The following PIK3AP1 variants were observed in gnomAD, a reference collection of about 807,000 sequenced individuals.
PIK3AP1 encodes phosphoinositide 3-kinase adapter protein 1.
A neutral mutation model predicts 88.1 loss-of-function variants in PIK3AP1; 21 were observed. That is an observed-to-expected ratio of 0.24 (90% confidence interval 0.17 to 0.34). The LOEUF (loss-of-function observed/expected upper bound fraction) is 0.34. Ranked by LOEUF, PIK3AP1 falls within the 10% of genes least tolerant of loss-of-function variation. The pLI is 1.00. For missense variants in PIK3AP1, 828 were observed against 1,035.7 expected, an observed-to-expected ratio of 0.80 and a Z score of 2.75; for synonymous variants, 398 against 400.0, an observed-to-expected ratio of 1.00 and a Z score of 0.06.
At chr10:96,686,659 C>T (rs1408581867) in intron 2 of PIK3AP1, among the ~76,000 whole-genome samples, 2 of 152,136 alleles carry the variant, frequency 1.3e-5, no homozygotes, top group Non-Finnish European at 2.9e-5. Context: ...CAGCATTGTG[C>T]GGCTGCTTGA....
intron 4 of PIK3AP1, among the ~76,000 whole-genome samples, chr10:96,652,295 C>A (rs928874270): frequency 6.6e-6 from 1 of 152,172 alleles, no homozygotes; most frequent in Non-Finnish European, 1.5e-5. Flanking sequence ...ATCAAAGTAG[C>A]TGGGTGCCGT....
At chr10:96,600,109 G>A (rs768108604) in intron 16 of PIK3AP1, among the ~76,000 whole-genome samples, 4 of 152,124 alleles carry the variant, frequency 2.6e-5, no homozygotes, top group Non-Finnish European at 5.9e-5. Context: ...CTTGGATCTT[G>A]AACCTCCTCC....
chr10:96,676,701 GAA>G (rs1176429335), intron 2 of PIK3AP1, among the ~76,000 whole-genome samples: 3 of 144,392 alleles, frequency 2.1e-5, no homozygotes, highest in Admixed American at 7.1e-5. Context: ...TATTCCAACT[GAA>G]AGAGTCCAAA....
At chr10:96,713,341 CA>C (rs377478828) in intron 1 of PIK3AP1, among the ~76,000 whole-genome samples, 170 of 140,030 alleles carry the variant, frequency 1.2e-3, no homozygotes, top group Middle Eastern at 3.5e-3. Context: ...ATTAAAAATA[CA>C]AAAAAAAAAA....
At chr10:96,660,801 C>T (rs1843675516) in intron 2 of PIK3AP1, among the ~76,000 whole-genome samples, 1 of 152,146 alleles carries the variant, frequency 6.6e-6, no homozygotes, top group Non-Finnish European at 1.5e-5. Flanking sequence ...TACACCCAGA[C>T]AATACAATAC....
intron 13 of PIK3AP1, among the ~76,000 whole-genome samples, chr10:96,610,568 C>T (rs1235590081): frequency 6.6e-6 from 1 of 152,088 alleles, no homozygotes; most frequent in East Asian, 1.9e-4. Context: ...GTGGCCCACA[C>T]ACACAGTAAT....
At chr10:96,654,373 T>A (rs1473180215) in intron 3 of PIK3AP1, among the ~76,000 whole-genome samples, 1 of 152,090 alleles carries the variant, frequency 6.6e-6, no homozygotes, top group African/African-American at 2.4e-5. Flanking sequence ...CCTAAGACTC[T>A]GCTATAAAGT....
intron 2 of PIK3AP1, among the ~76,000 whole-genome samples, chr10:96,685,695 C>T (rs534164701): frequency 9.2e-5 from 14 of 152,192 alleles, no homozygotes; most frequent in Non-Finnish European, 1.5e-4. Context: ...CTTAGGCTTG[C>T]GGCTTTGGCC....
chr10:96,610,289 C>A (rs191860521), intron 13 of PIK3AP1, among the ~76,000 whole-genome samples: 1 of 152,304 alleles, frequency 6.6e-6, no homozygotes, highest in Admixed American at 6.5e-5. Flanking sequence ...TAATAACAGG[C>A]TGCCCTATGC....
intron 8 of PIK3AP1, among the ~76,000 whole-genome samples, chr10:96,640,424 C>A (rs1843368876): frequency 6.6e-6 from 1 of 152,104 alleles, no homozygotes; most frequent in Non-Finnish European, 1.5e-5. Flanking sequence ...ACTGGGCAAG[C>A]TTTCAACACA....
At chr10:96,605,148 A>G (rs927757786) in intron 14 of PIK3AP1, among the ~76,000 whole-genome samples, 26 of 152,236 alleles carry the variant, frequency 1.7e-4, no homozygotes, top group African/African-American at 6.3e-4. Flanking sequence ...GTGAGCTACC[A>G]TGCCGGGCCC....
intron 8 of PIK3AP1, 69 bp from the exon 9 acceptor site, chr10:96,628,562 G>A: frequency 7.9e-7 from 1 of 1,265,946 alleles, no homozygotes; most frequent in Non-Finnish European, 1.2e-6. Flanking sequence ...TTTACAGATG[G>A]AACTATGAGG....
intron 8 of PIK3AP1, among the ~76,000 whole-genome samples, chr10:96,628,913 T>C (rs61858226): frequency 0.13 from 14,681 of 116,248 alleles, 2,448 homozygotes; most frequent in Non-Finnish European, 0.16. Flanking sequence ...TATATGTGTA[T>C]ATATATATAT....
chr10:96,602,221 C>A, intron 16 of PIK3AP1, 59 bp downstream of exon 16: 4 of 1,357,470 alleles, frequency 2.9e-6, no homozygotes, highest in Non-Finnish European at 4.1e-6. Flanking sequence ...GTTTCCAAGT[C>A]CTATTCTCCC....
At chr10:96,681,916 G>C (rs925920591) in intron 2 of PIK3AP1, among the ~76,000 whole-genome samples, 11 of 151,970 alleles carry the variant, frequency 7.2e-5, no homozygotes, top group Non-Finnish European at 1.5e-4. Context: ...TTTTATAGAT[G>C]TGTTAATGAA....
chr10:96,641,276 G>GAA (rs1843385977), intron 8 of PIK3AP1, among the ~76,000 whole-genome samples: 1 of 152,072 alleles, frequency 6.6e-6, no homozygotes, highest in Admixed American at 6.6e-5. Context: ...AACTCAGGTG[G>GAA]TTGCCTTGGA....
intron 8 of PIK3AP1, among the ~76,000 whole-genome samples, chr10:96,634,702 G>A (rs1022347192): frequency 1.3e-5 from 2 of 152,140 alleles, no homozygotes; most frequent in Non-Finnish European, 2.9e-5. Flanking sequence ...ATTATATTGA[G>A]GCAACTTAGT....
chr10:96,653,610 C>T (rs2134236571), intron 3 of PIK3AP1, among the ~76,000 whole-genome samples: 1 of 150,464 alleles, frequency 6.6e-6, no homozygotes, highest in Non-Finnish European at 1.5e-5. Context: ...GCCTCAGCCT[C>T]CCTAGTAGCT....
chr10:96,705,890 T>C (rs1252558858), intron 2 of PIK3AP1, among the ~76,000 whole-genome samples: 1 of 127,788 alleles, frequency 7.8e-6, no homozygotes, highest in South Asian at 2.8e-4. Flanking sequence ...AGTTGTTTTT[T>C]TTTTTTTTTT....
Sources: allele counts gnomAD v4.1 joint callset (sites outside exome capture counted in the v4.1 genomes callset), GRCh38; gene constraint gnomAD v4.1.1; transcripts MANE v1.5; gene names NCBI Gene and HGNC (gene_info 2026-07-23, HGNC 2026-07-21).